Variants in MACROD2 observed in about 807,000 individuals in gnomAD.
MACROD2 encodes ADP-ribose glycohydrolase MACROD2.
Under a neutral mutation model 70.4 loss-of-function variants are expected in MACROD2, and 36 were observed. That is an observed-to-expected ratio of 0.51 (90% CI 0.39 to 0.68). The LOEUF (loss-of-function observed/expected upper bound fraction) is 0.68. Among genes scored for constraint, MACROD2 ranks in the 30% least tolerant of loss-of-function variants. The pLI, the probability that MACROD2 is intolerant of heterozygous loss-of-function variation, is 0.00. For missense variants in MACROD2, 496 were observed against 538.4 expected, an observed-to-expected ratio of 0.92 and a Z score of 0.78; for synonymous variants, 172 against 178.8, an observed-to-expected ratio of 0.96 and a Z score of 0.30.
At chr20:14,099,053 G>T (rs2054265926) in intron 3 of MACROD2, among the ~76,000 whole-genome samples, 1 of 152,184 alleles carries the variant, frequency 6.6e-6, no homozygotes, top group Non-Finnish European at 1.5e-5. Context: ...GCCGAGGCAG[G>T]TGGTTCACGA....
At chr20:15,822,973 T>C (rs536754845) in intron 8 of MACROD2, among the ~76,000 whole-genome samples, 29 of 152,180 alleles carry the variant, frequency 1.9e-4, no homozygotes, top group Non-Finnish European at 3.8e-4. Context: ...AGCCGGCACG[T>C]TGGTTTCCAC....
Position 15,729,202 on chromosome 20 carries a change from A to G in MACROD2, c.646-133543A>G, listed in dbSNP as rs188099196. ...TCCATGTTGTTGTGTGATTTTGAGC[A>G]ATTTTATTAGTATTGATTTCTATTT... On this transcript the variant is annotated intron_variant, in intron 8 of 17. Coordinates refer to ENST00000684519, the MANE Select transcript of MACROD2 (RefSeq NM_001351661.2). Among the ~76,000 whole-genome samples, 410 of 152,214 alleles carry G rather than the reference A, an allele frequency of 2.7e-3. 1 individual carries two copies. The highest frequency in any genetic ancestry group is 9.5e-3 in the African/African-American group (396 of 41,536).
intron 5 of MACROD2, among the ~76,000 whole-genome samples, chr20:15,176,097 T>C (rs1274721706): frequency 6.6e-6 from 1 of 152,212 alleles, no homozygotes; most frequent in Non-Finnish European, 1.5e-5. Context: ...ATGTGTATTC[T>C]CAGAGGTGCT....
intron 3 of MACROD2, among the ~76,000 whole-genome samples, chr20:14,431,883 C>T (rs563478570): frequency 1.3e-5 from 2 of 152,232 alleles, no homozygotes; most frequent in South Asian, 4.1e-4. Context: ...GTTGCAATTA[C>T]CTCTAAGTTC....
At chr20:15,933,957 T>A (rs1323830145) in intron 11 of MACROD2, among the ~76,000 whole-genome samples, 1 of 152,176 alleles carries the variant, frequency 6.6e-6, no homozygotes, top group Non-Finnish European at 1.5e-5. Flanking sequence ...TTGAACATTT[T>A]AAAATAAAAT....
chr20:15,883,021 C>A (rs978057067), intron 9 of MACROD2, among the ~76,000 whole-genome samples: 17 of 147,164 alleles, frequency 1.2e-4, no homozygotes, highest in African/African-American at 4.3e-4. Flanking sequence ...TTACTACTGA[C>A]AAGATTCTTA....
intron 3 of MACROD2, among the ~76,000 whole-genome samples, chr20:14,333,195 G>A (rs769965485): frequency 7.2e-5 from 11 of 152,086 alleles, no homozygotes; most frequent in Non-Finnish European, 1.6e-4. Context: ...CTATTTTCTA[G>A]CCTGAACAAG....
At chr20:15,087,587 T>G (rs190247860) in intron 5 of MACROD2, among the ~76,000 whole-genome samples, 3 of 152,152 alleles carry the variant, frequency 2.0e-5, no homozygotes, top group Admixed American at 6.5e-5. Flanking sequence ...TGTAATGGAT[T>G]AAATATTTAA....
rs370420444 is a variant in MACROD2 at position 14,655,753 on chromosome 20, A to G, written c.302-29090A>G. Among the ~76,000 whole-genome samples the G allele has an allele frequency of 3.3e-5, 5 of 152,314 alleles. No homozygotes were observed. The East Asian group carries it at 9.6e-4, about 29-fold the overall frequency. On this transcript the variant is annotated intron_variant, in intron 4 of 17. Coordinates refer to ENST00000684519, the MANE Select transcript of MACROD2 (RefSeq NM_001351661.2). The stretch of plus-strand genomic sequence containing the variant: ...TAGATTAACATAATAATCAAATAGA[A>G]ATTAACTTCCTGTGATTCATCAGTA...
At chr20:15,411,066 T>C (rs1280001849) in intron 6 of MACROD2, among the ~76,000 whole-genome samples, 1 of 151,918 alleles carries the variant, frequency 6.6e-6, no homozygotes, top group East Asian at 1.9e-4. Context: ...TCAATAATAA[T>C]AGTGGATGAT....
chr20:15,506,048 C>T (rs1287224951), intron 8 of MACROD2, among the ~76,000 whole-genome samples: 3 of 152,110 alleles, frequency 2.0e-5, no homozygotes, highest in Non-Finnish European at 2.9e-5. Flanking sequence ...TCCTGAGATG[C>T]TGTATATGTG....
intron 6 of MACROD2, among the ~76,000 whole-genome samples, chr20:15,399,063 A>G (rs910015818): frequency 6.6e-6 from 1 of 152,154 alleles, no homozygotes; most frequent in East Asian, 1.9e-4. Context: ...TTCATTAATT[A>G]TCGCTGTGCC....
chr20:14,155,421 A>C (rs897957481), intron 3 of MACROD2, among the ~76,000 whole-genome samples: 1 of 152,122 alleles, frequency 6.6e-6, no homozygotes, highest in African/African-American at 2.4e-5. Flanking sequence ...ATACCTTCCC[A>C]TCGGTATGCT....
intron 11 of MACROD2, among the ~76,000 whole-genome samples, chr20:15,934,829 C>T (rs2065633633): frequency 1.3e-5 from 2 of 152,034 alleles, no homozygotes; most frequent in African/African-American, 4.8e-5. Context: ...TCCCAAGTAG[C>T]TGGGACTACA....
chr20:14,606,147 T>C (rs922856609), intron 4 of MACROD2, among the ~76,000 whole-genome samples: 6 of 152,136 alleles, frequency 3.9e-5, no homozygotes, highest in African/African-American at 1.4e-4. Flanking sequence ...TTGAAAAAAA[T>C]GAATTTAACT....
intron 6 of MACROD2, among the ~76,000 whole-genome samples, chr20:15,276,425 T>C (rs2077393851): frequency 3.3e-5 from 5 of 150,482 alleles, no homozygotes; most frequent in Admixed American, 6.6e-5. Flanking sequence ...TAAAAAAATC[T>C]CATTGATCAC....
intron 2 of MACROD2, among the ~76,000 whole-genome samples, chr20:14,049,589 A>G (rs1188019903): frequency 6.6e-6 from 1 of 150,862 alleles, no homozygotes; most frequent in Non-Finnish European, 1.5e-5. Flanking sequence ...AAAAAAAAAA[A>G]AAAAAATACA....
chr20:14,820,871 C>A (rs899769659), intron 5 of MACROD2, among the ~76,000 whole-genome samples: 2 of 152,048 alleles, frequency 1.3e-5, no homozygotes, highest in Admixed American at 1.3e-4. Context: ...ACAGTGTTCA[C>A]ATGATGCTTG....
At chr20:15,747,781 C>T (rs57012898) in intron 8 of MACROD2, among the ~76,000 whole-genome samples, 17,272 of 151,784 alleles carry the variant, frequency 0.11, 1,108 homozygotes, top group Admixed American at 0.14. Flanking sequence ...ATTTGTATAC[C>T]CTTATTTCCT....
Sources: allele counts gnomAD v4.1 joint callset (sites outside exome capture counted in the v4.1 genomes callset), GRCh38; gene constraint gnomAD v4.1.1; transcripts MANE v1.5; gene names NCBI Gene and HGNC (gene_info 2026-07-23, HGNC 2026-07-21).